The following NAALADL2 variants were observed in gnomAD, a reference collection of about 807,000 sequenced individuals.
NAALADL2 encodes inactive N-acetylated-alpha-linked acidic dipeptidase-like protein 2.
Under a neutral mutation model 87.2 loss-of-function variants are expected in NAALADL2, and 76 were observed. The observed-to-expected ratio is 0.87, with a 90% confidence interval of 0.72 to 1.05. NAALADL2 has a LOEUF of 1.05. NAALADL2 is among the 50% of genes least tolerant of loss of function. The pLI, the probability that NAALADL2 is intolerant of heterozygous loss-of-function variation, is 0.00. For synonymous variants in NAALADL2, 354 were observed against 331.0 expected (o/e 1.07, Z -0.75); for missense variants, 1,089 against 945.8 (o/e 1.15, Z -1.99).
intron 4 of NAALADL2, among the ~76,000 whole-genome samples, chr3:175,309,017 A>G (rs1758025659): frequency 1.3e-5 from 2 of 152,146 alleles, no homozygotes; most frequent in Admixed American, 1.3e-4. Context: ...AGCTGTTTGT[A>G]TCTGTACTCA....
intron 5 of NAALADL2, among the ~76,000 whole-genome samples, chr3:175,328,955 A>G (rs547511263): frequency 6.6e-6 from 1 of 152,188 alleles, no homozygotes; most frequent in Admixed American, 6.5e-5. Flanking sequence ...CAGCAGTAAG[A>G]TTGTCTGAAA....
At chr3:174,832,065 G>A (rs548505747) in intron 3 of NAALADL2, among the ~76,000 whole-genome samples, 1 of 151,970 alleles carries the variant, frequency 6.6e-6, no homozygotes, top group Non-Finnish European at 1.5e-5. Flanking sequence ...ACCAGCTCCT[G>A]GGTTCATTAA....
intron 2 of NAALADL2, among the ~76,000 whole-genome samples, chr3:174,652,649 C>A (rs1430108031): frequency 6.6e-6 from 1 of 152,066 alleles, no homozygotes; most frequent in Non-Finnish European, 1.5e-5. Context: ...GTCCCTCCCA[C>A]AACACATGGG....
intron 6 of NAALADL2, among the ~76,000 whole-genome samples, chr3:175,460,616 A>G (rs1722970219): frequency 6.6e-6 from 1 of 152,194 alleles, no homozygotes; most frequent in South Asian, 2.1e-4. Context: ...TCTGAAGGAA[A>G]TTTAAAAGCA....
rs112937569 is a variant in NAALADL2, at chr3:175,243,558, T to A, written c.819+9354T>A. Reference sequence around the variant, plus strand: ...TTTTTTTTTTTTTTTTTTTTTTTTTTAACCCAAGAACCATTTTACTAGCAT... The same window carrying A: ...TTTTTTTTTTTTTTTTTTTTTTTTTAAACCCAAGAACCATTTTACTAGCAT... On this transcript the variant is annotated intron_variant, in intron 3 of 13. Coordinates refer to ENST00000454872, the MANE Select transcript of NAALADL2 (RefSeq NM_207015.3). Among the ~76,000 whole-genome samples, 185 of 121,728 alleles carry A rather than the reference T, an allele frequency of 1.5e-3. 1 individual carries two copies. The highest frequency in any genetic ancestry group is 4.9e-3 in the African/African-American group (171 of 34,582). 79.9% of individuals were successfully genotyped at this position (121,728 alleles called of 152,430 possible). A position where few individuals can be genotyped will look rare whatever the true frequency, so the allele number is the denominator to read the frequency against.
rs984751928 is a variant in NAALADL2 at position 174,792,093 on chromosome 3, C to T, written c.-9+54347C>T. ...AACAAAAAACAGGCATGGTGGCACACGCCTATAGTCCCAGCTACTCAGGAA... is the reference window on the plus strand; with the variant it reads ...AACAAAAAACAGGCATGGTGGCACATGCCTATAGTCCCAGCTACTCAGGAA... On this transcript the variant is annotated intron_variant, in intron 3 of 3. Coordinates refer to the NAALADL2 transcript ENST00000434257. Among the ~76,000 whole-genome samples, 7 of 151,968 alleles carry T rather than the reference C, an allele frequency of 4.6e-5. No homozygotes were observed. In the South Asian group the frequency reaches 6.3e-4, roughly 14 times the overall value.
chr3:174,925,167 T>A (rs543293205), intron 1 of NAALADL2, among the ~76,000 whole-genome samples: 5 of 152,180 alleles, frequency 3.3e-5, no homozygotes, highest in Non-Finnish European at 7.3e-5. Flanking sequence ...ATGAATGGTG[T>A]TGCCTAGGTT....
chr3:175,122,676 A>G (rs1726329475), intron 2 of NAALADL2, among the ~76,000 whole-genome samples: 1 of 151,582 alleles, frequency 6.6e-6, no homozygotes, highest in Non-Finnish European at 1.5e-5. Context: ...CTTTCTCTTT[A>G]TTATCTCCTC....
In NAALADL2 at chr3:175,466,982, G is replaced by T. The variant is rs768770337; in HGVS notation, c.1331G>T (p.Arg444Leu). ...TCTTGTCCCTTTCTATTTTCAGACC[G>T]GTATATCATAGTTGGCAGCCATCAT... ...GFVMGLTSPD[R>L]YIIVGSHHHT... The change falls in exon 8 of 14, where the codon CGG becomes CTG. Residue 444 changes from arginine (R) to leucine (L), a missense_variant. Arg to Leu is a moderately radical substitution (Grantham distance 102). Coordinates refer to ENST00000454872, the MANE Select transcript of NAALADL2 (RefSeq NM_207015.3). 6.2e-7 allele frequency: 1 copy of T among 1,609,786 alleles called. No individual in the cohort carries two copies. Among genetic ancestry groups the T allele is most frequent in the Non-Finnish European group, 8.5e-7 (1 of 1,176,412 alleles).
At chr3:174,691,579 T>G (rs1333374712) in intron 2 of NAALADL2, among the ~76,000 whole-genome samples, 2 of 152,154 alleles carry the variant, frequency 1.3e-5, no homozygotes, top group South Asian at 2.1e-4. Flanking sequence ...CTGGGGTGAC[T>G]GTGGCAATTT....
intron 1 of NAALADL2, among the ~76,000 whole-genome samples, chr3:174,939,207 C>T (rs1245653498): frequency 1.3e-5 from 2 of 151,874 alleles, no homozygotes; most frequent in African/African-American, 4.8e-5. Context: ...TGTCCAGATT[C>T]ATCTTCTGCA....
At chr3:174,873,034 C>T (rs891866514) in intron 1 of NAALADL2, among the ~76,000 whole-genome samples, 1 of 152,074 alleles carries the variant, frequency 6.6e-6, no homozygotes, top group African/African-American at 2.4e-5. Context: ...CTTCTCCACC[C>T]GTTTCTTCTT....
At position 175,787,256 on chromosome 3, in the gene NAALADL2, G is replaced by A. The variant is rs529679188; in HGVS notation, c.2190-15749G>A. On this transcript the variant is annotated intron_variant, in intron 13 of 13. Coordinates refer to ENST00000454872, the MANE Select transcript of NAALADL2 (RefSeq NM_207015.3). ...GGGCTCCACCCAGTTCGAGCTTCCCGGCTGCTTTGTTTACCTAATCAAGCC... is the reference window on the plus strand; with the variant it reads ...GGGCTCCACCCAGTTCGAGCTTCCCAGCTGCTTTGTTTACCTAATCAAGCC... Among the ~76,000 whole-genome samples the A allele has an allele frequency of 3.7e-3, 557 of 152,144 alleles. 3 individuals are homozygous for A. The highest frequency in any genetic ancestry group is 0.012 in the African/African-American group (501 of 41,554).
chr3:175,193,538 G>T (rs921940925), intron 2 of NAALADL2, among the ~76,000 whole-genome samples: 1 of 151,750 alleles, frequency 6.6e-6, no homozygotes, highest in Non-Finnish European at 1.5e-5. Flanking sequence ...ATAGAGGTGA[G>T]ATAAGAAATA....
intron 9 of NAALADL2, among the ~76,000 whole-genome samples, chr3:175,508,469 T>TTA (rs1184456554): frequency 6.6e-6 from 1 of 152,178 alleles, no homozygotes; most frequent in African/African-American, 2.4e-5. Context: ...AGTTAATGAG[T>TTA]TATCCATTTA....
intron 2 of NAALADL2, among the ~76,000 whole-genome samples, chr3:174,592,509 C>T (rs1717480680): frequency 6.6e-6 from 1 of 152,098 alleles, no homozygotes; most frequent in Non-Finnish European, 1.5e-5. Context: ...CAGGAATGAT[C>T]TACATAATTT....
chr3:175,291,964 A>G (rs1265640825), intron 4 of NAALADL2, among the ~76,000 whole-genome samples: 1 of 152,200 alleles, frequency 6.6e-6, no homozygotes, highest in Non-Finnish European at 1.5e-5. Context: ...CAATTTCTAA[A>G]TTATTTTCAG....
intron 2 of NAALADL2, among the ~76,000 whole-genome samples, chr3:175,229,827 A>G (rs929498497): frequency 6.6e-6 from 1 of 152,012 alleles, no homozygotes; most frequent in Non-Finnish European, 1.5e-5. Context: ...CAATGTTGGC[A>G]TGGAAATTAG....
At chr3:175,214,690 A>T (rs1742249062) in intron 2 of NAALADL2, among the ~76,000 whole-genome samples, 1 of 152,180 alleles carries the variant, frequency 6.6e-6, no homozygotes, top group South Asian at 2.1e-4. Context: ...GGCATTATGA[A>T]TGAAATTTGA....
Sources: gnomAD v4.1 joint callset for allele counts (sites outside exome capture counted in the v4.1 genomes callset) on GRCh38, gnomAD v4.1.1 for gene constraint, MANE v1.5 for transcripts, NCBI Gene and HGNC (gene_info 2026-07-23, HGNC 2026-07-21) for gene names.